CDC26: variants seen among roughly 807,000 people sequenced by gnomAD.
CDC26 encodes the protein anaphase-promoting complex subunit CDC26.
A neutral mutation model predicts 8.0 loss-of-function variants in CDC26; 2 were observed. The ratio of observed to expected loss-of-function variants is 0.25; its 90% CI spans 0.10 to 0.79. The LOEUF is 0.79. Ranked by LOEUF, CDC26 falls within the 30% of genes least tolerant of loss-of-function variation. CDC26 has a pLI of 0.70. For synonymous variants in CDC26, 19 were observed against 34.9 expected (o/e 0.55, Z 1.60); for missense variants, 68 against 106.0 (o/e 0.64, Z 1.57).
intron 3 of CDC26, among the ~76,000 whole-genome samples, chr9:113,269,230 AAAT>A (rs1831914973): frequency 6.7e-6 from 1 of 148,754 alleles, no homozygotes; most frequent in Admixed American, 6.6e-5. Context: ...TCAACAATAA[AAAT>A]AAAAAAAAAA....
intron 3 of CDC26, among the ~76,000 whole-genome samples, chr9:113,271,448 C>T (rs940116994): frequency 6.6e-6 from 1 of 151,980 alleles, no homozygotes; most frequent in Non-Finnish European, 1.5e-5. Flanking sequence ...AAGAAGGAGG[C>T]AGAGGAAGTT....
chr9:113,271,310 A>C (rs1831952402), intron 3 of CDC26, among the ~76,000 whole-genome samples: 1 of 152,114 alleles, frequency 6.6e-6, no homozygotes. Context: ...GCAGGTCCTA[A>C]TCCTGGAACC....
intron 3 of CDC26, among the ~76,000 whole-genome samples, chr9:113,269,626 AACTC>A (rs1350286884): frequency 6.6e-6 from 1 of 152,266 alleles, no homozygotes; most frequent in Non-Finnish European, 1.5e-5. Context: ...TGGAAAGACT[AACTC>A]AATAGTGAGC....
At chr9:113,269,582 A>C (rs1415822673) in intron 3 of CDC26, among the ~76,000 whole-genome samples, 1 of 152,208 alleles carries the variant, frequency 6.6e-6, no homozygotes, top group Non-Finnish European at 1.5e-5. Flanking sequence ...GTTACTCTAA[A>C]ACAAGGTAAA....
chr9:113,271,733 T>C (rs912532083), intron 3 of CDC26, among the ~76,000 whole-genome samples: 2 of 152,246 alleles, frequency 1.3e-5, no homozygotes, highest in African/African-American at 2.4e-5. Context: ...GAGACATACA[T>C]GAAGTTTGAG....
At chr9:113,269,016 G>T (rs954948314) in intron 3 of CDC26, among the ~76,000 whole-genome samples, 2 of 152,102 alleles carry the variant, frequency 1.3e-5, no homozygotes, top group Non-Finnish European at 2.9e-5. Context: ...GCCTCTCAAG[G>T]TGCTGGGGTT....
intron 3 of CDC26, among the ~76,000 whole-genome samples, chr9:113,267,878 T>C (rs1323454512): frequency 6.6e-6 from 1 of 151,974 alleles, no homozygotes; most frequent in Non-Finnish European, 1.5e-5. Context: ...TCCCAGCTAC[T>C]TGGGAGGCTG....
chr9:113,272,724 G>A lies in CDC26; in HGVS notation c.-41-176C>T, dbSNP rs527914901. 2.2e-3 allele frequency among the ~76,000 whole-genome samples: 315 copies of A among 140,844 alleles called. 2 individuals carry two copies. In the Middle Eastern group the frequency reaches 0.047, roughly 21 times the overall value. The allele number at this position is 140,844 out of a possible 152,430, so 92.4% of individuals were successfully genotyped here. Reference sequence around the variant, plus strand: ...TTTTTTTTTTAAGAGATAGGATCTTGCTCTTTGCCCAGGCTGGAGTGCAGT... The same window carrying A: ...TTTTTTTTTTAAGAGATAGGATCTTACTCTTTGCCCAGGCTGGAGTGCAGT... On this transcript the variant is annotated intron_variant, in intron 2 of 3. Transcript: ENST00000374206.
At position 113,271,264 on chromosome 9, in the gene CDC26, T is replaced by G. The variant is rs1588002491; in HGVS notation, c.81+1163A>C. On this transcript the variant is annotated intron_variant, in intron 3 of 3. Transcript: ENST00000374206. Reference sequence around the variant, plus strand: ...TTTCTCTCTTCTTTTTTTAACATGTTAAGTGTAGTAGGCTGAAAAATGGCC... The same window carrying G: ...TTTCTCTCTTCTTTTTTTAACATGTGAAGTGTAGTAGGCTGAAAAATGGCC... Among the ~76,000 whole-genome samples, 3 of 152,226 alleles carry G rather than the reference T, an allele frequency of 2.0e-5. No homozygotes were observed. The East Asian group carries it at 5.8e-4, about 29-fold the overall frequency.
chr9:113,273,148 C>T (rs1040959916), intron 2 of CDC26, among the ~76,000 whole-genome samples, 181 bp downstream of exon 2: 15 of 152,160 alleles, frequency 9.9e-5, no homozygotes, highest in African/African-American at 3.1e-4. Flanking sequence ...ATCTCATGTT[C>T]CAGTCACATT....
intron 2 of CDC26, 42 bp from the exon 3 acceptor site, chr9:113,272,590 A>C: frequency 2.1e-6 from 2 of 949,808 alleles, no homozygotes; most frequent in Non-Finnish European, 3.4e-6. Flanking sequence ...GAAGGTGATA[A>C]AGTCTCAGAT....
intron 3 of CDC26, 47 bp from the exon 4 acceptor site, chr9:113,267,486 G>A: frequency 3.2e-6 from 5 of 1,567,184 alleles, no homozygotes; most frequent in Non-Finnish European, 4.3e-6. Context: ...CTTTCAATTA[G>A]CAAATGTTTA....
At chr9:113,271,585 C>T (rs1343851571) in intron 3 of CDC26, among the ~76,000 whole-genome samples, 1 of 152,184 alleles carries the variant, frequency 6.6e-6, no homozygotes, top group African/African-American at 2.4e-5. Context: ...TCCCTAGATC[C>T]TCCATAGGGA....
intron 1 of CDC26, among the ~76,000 whole-genome samples, chr9:113,275,110 G>T (rs1391066127): frequency 3.3e-5 from 5 of 152,104 alleles, no homozygotes; most frequent in Non-Finnish European, 4.4e-5. Context: ...GGCTCTTCTA[G>T]CTTAATCTCC....
At chr9:113,270,914 T>C (rs1015232507) in intron 3 of CDC26, among the ~76,000 whole-genome samples, 1 of 152,178 alleles carries the variant, frequency 6.6e-6, no homozygotes, top group Non-Finnish European at 1.5e-5. Flanking sequence ...TGAAGATCAT[T>C]CTTGATACTG....
At chr9:113,275,214 A>T (rs1321089441) in intron 1 of CDC26, 168 bp downstream of exon 1, 1 of 152,466 alleles carries the variant, frequency 6.6e-6, no homozygotes, top group African/African-American at 2.4e-5. Flanking sequence ...CTCGTCCCCT[A>T]GCTCCAGGCC....
rs1831974288 is a variant in CDC26, at chr9:113,272,482, A to T, written c.26T>A (p.Leu9Gln). 1 of 1,613,290 alleles carries T rather than the reference A, an allele frequency of 6.2e-7. No individual in the cohort carries two copies. The highest frequency in any genetic ancestry group is 2.2e-5 in the East Asian group (1 of 44,878). Residue 9 changes from leucine to glutamine, a missense_variant, in exon 3 of 4, where the codon CTA (leucine) becomes CAA (glutamine). Physicochemically the swap from Leu to Gln is moderately radical, Grantham distance 113 (BLOSUM62 -2). Transcript: ENST00000374206. MLRRKPTR[L>Q]ELKLDDIEEF... ...TTCAATGTCATCAAGCTTTAGCTCTAGGCGTGTTGGTTTCCGTCTCAGCAT... is the reference window on the plus strand; with the variant it reads ...TTCAATGTCATCAAGCTTTAGCTCTTGGCGTGTTGGTTTCCGTCTCAGCAT...
In CDC26 at chr9:113,272,486, G is replaced by A. The variant is rs746909885; in HGVS notation, c.22C>T (p.Arg8Cys). 9.3e-6 allele frequency: 15 copies of A among 1,612,660 alleles called. No homozygotes were observed. Among genetic ancestry groups the A allele is most frequent in the Admixed American group, 3.3e-5 (2 of 60,004 alleles). Residue 8 changes from arginine (R) to cysteine (C), a missense_variant, in exon 3 of 4, where the codon CGC becomes TGC. By Grantham distance (180) the Arg-to-Cys change is radical (BLOSUM62 -3). Coordinates refer to ENST00000374206, the MANE Select transcript of CDC26 (RefSeq NM_139286.4). ...ATGTCATCAAGCTTTAGCTCTAGGC[G>A]TGTTGGTTTCCGTCTCAGCATACTG... MLRRKPT[R>C]LELKLDDIEE...
intron 3 of CDC26, among the ~76,000 whole-genome samples, chr9:113,269,242 A>T (rs564387481): frequency 6.8e-4 from 103 of 152,324 alleles, no homozygotes; most frequent in Non-Finnish European, 9.9e-4. Flanking sequence ...ATAAAAAAAA[A>T]AAATAAATGC....
Sources: gnomAD v4.1 joint callset for allele counts (sites outside exome capture counted in the v4.1 genomes callset) on GRCh38, gnomAD v4.1.1 for gene constraint, MANE v1.5 for transcripts, NCBI Gene and HGNC (gene_info 2026-07-23, HGNC 2026-07-21) for gene names.